The following ITPR2 variants were observed in gnomAD, a reference collection of about 807,000 sequenced individuals.
ITPR2 encodes inositol 1,4,5-trisphosphate-gated calcium channel ITPR2.
Under a neutral mutation model 317.1 loss-of-function variants are expected in ITPR2, and 207 were observed. That is an observed-to-expected ratio of 0.65 (90% CI 0.58 to 0.73). ITPR2 has a LOEUF of 0.73. Among genes scored for constraint, ITPR2 ranks in the 30% least tolerant of loss-of-function variants. The pLI is 0.00. For synonymous variants in ITPR2, 1,156 were observed against 1,149.1 expected, an observed-to-expected ratio of 1.01 and a Z score of -0.12; for missense variants, 2,613 against 3,284.0, an observed-to-expected ratio of 0.80 and a Z score of 4.99.
intron 2 of ITPR2, among the ~76,000 whole-genome samples, chr12:26,770,252 G>GA (rs1949816097): frequency 6.6e-6 from 1 of 152,118 alleles, no homozygotes; most frequent in Non-Finnish European, 1.5e-5. Flanking sequence ...CCTTAGAGGT[G>GA]AAAAAAGTCA....
At chr12:26,620,355 A>G (rs886105076) in intron 26 of ITPR2, among the ~76,000 whole-genome samples, 6 of 152,304 alleles carry the variant, frequency 3.9e-5, no homozygotes, top group African/African-American at 1.2e-4. Flanking sequence ...TCACTTCACA[A>G]TATTTTGGGT....
In ITPR2 at chr12:26,578,656, A is replaced by G. The variant is rs1273962338; in HGVS notation, c.4630+57T>C. The G allele has an allele frequency of 4.6e-6, 7 of 1,518,024 alleles. No individual in the cohort carries two copies. The East Asian group carries it at 1.4e-4, about 30-fold the overall frequency. The allele number at this position is 1,518,024 out of a possible 1,614,324, so 94.0% of individuals were successfully genotyped here. Reference sequence around the variant, plus strand: ...AAGCTGCTTGTGTTGCCCATTAGCCAAAAACCTAATTTCTTCAAGAAATGT... The same window carrying G: ...AAGCTGCTTGTGTTGCCCATTAGCCGAAAACCTAATTTCTTCAAGAAATGT... On this transcript the variant is annotated intron_variant, in intron 34 of 56. Coordinates refer to ENST00000381340, the MANE Select transcript of ITPR2 (RefSeq NM_002223.4).
At chr12:26,490,088 A>G (rs764356849) in intron 39 of ITPR2, among the ~76,000 whole-genome samples, 2 of 152,260 alleles carry the variant, frequency 1.3e-5, no homozygotes, top group Non-Finnish European at 2.9e-5. Flanking sequence ...CATATATAAG[A>G]GTAATTTAAT....
intron 37 of ITPR2, among the ~76,000 whole-genome samples, chr12:26,501,068 T>C (rs1203826418): frequency 6.6e-6 from 1 of 152,110 alleles, no homozygotes; most frequent in Non-Finnish European, 1.5e-5. Context: ...CAAAATGTAA[T>C]AAAAACTGCA....
rs559418950 is a variant in ITPR2 at position 26,675,657 on chromosome 12, T to A, written c.1409+6217A>T. ...CACATGTATACATATGTAACTAACC[T>A]GCACATTGTGCACATGTACCCTAAA... On this transcript the variant is annotated intron_variant, in intron 13 of 56. Transcript: ENST00000381340. 1.1e-4 allele frequency among the ~76,000 whole-genome samples: 16 copies of A among 152,232 alleles called. No individual in the cohort carries two copies. In the East Asian group the frequency reaches 3.1e-3, roughly 29 times the overall value.
At chr12:26,581,352 A>G (rs895829517) in intron 32 of ITPR2, among the ~76,000 whole-genome samples, 3 of 152,194 alleles carry the variant, frequency 2.0e-5, no homozygotes, top group Non-Finnish European at 4.4e-5. Context: ...GTCACTTCCC[A>G]TCTGAGCAGT....
intron 21 of ITPR2, among the ~76,000 whole-genome samples, chr12:26,648,498 T>TA (rs1201855163): frequency 6.7e-6 from 1 of 148,918 alleles, no homozygotes; most frequent in African/African-American, 2.5e-5. Context: ...ACAATGTTTA[T>TA]AAAACCACTT....
At chr12:26,601,827 T>G (rs577948259) in intron 28 of ITPR2, among the ~76,000 whole-genome samples, 1 of 152,216 alleles carries the variant, frequency 6.6e-6, no homozygotes, top group South Asian at 2.1e-4. Flanking sequence ...ACATCATCAG[T>G]CATGGGACAA....
intron 54 of ITPR2, among the ~76,000 whole-genome samples, chr12:26,391,650 G>C (rs1176404415): frequency 7.4e-6 from 1 of 135,248 alleles, no homozygotes; most frequent in Non-Finnish European, 1.5e-5. Flanking sequence ...CTGCAACCTC[G>C]ACCTTCCAGG....
chr12:26,690,151 G>A (rs1349170704), intron 10 of ITPR2, among the ~76,000 whole-genome samples: 2 of 152,182 alleles, frequency 1.3e-5, no homozygotes, highest in Non-Finnish European at 2.9e-5. Context: ...GACTATTACG[G>A]CAATGGGATT....
chr12:26,732,131 T>A (rs1443960848), intron 2 of ITPR2, among the ~76,000 whole-genome samples: 1 of 152,126 alleles, frequency 6.6e-6, no homozygotes, highest in Non-Finnish European at 1.5e-5. Flanking sequence ...TTAGCAAACA[T>A]GAAAATTAAT....
At chr12:26,608,066 A>G (rs1946176946) in intron 26 of ITPR2, among the ~76,000 whole-genome samples, 1 of 152,150 alleles carries the variant, frequency 6.6e-6, no homozygotes. Flanking sequence ...GCTTGCAGTG[A>G]GCCGAGATCG....
At chr12:26,505,622 T>C (rs1210354831) in intron 37 of ITPR2, among the ~76,000 whole-genome samples, 1 of 152,218 alleles carries the variant, frequency 6.6e-6, no homozygotes, top group African/African-American at 2.4e-5. Context: ...TATTTATTTA[T>C]ACCAATCTTT....
intron 37 of ITPR2, among the ~76,000 whole-genome samples, chr12:26,543,599 C>A (rs535761442): frequency 6.6e-6 from 1 of 152,178 alleles, no homozygotes; most frequent in East Asian, 1.9e-4. Flanking sequence ...GATGGTGAAA[C>A]CCTGTTTCTA....
At chr12:26,724,787 A>G (rs891299640) in intron 3 of ITPR2, 45 bp from the exon 4 acceptor site, 1 of 1,399,336 alleles carries the variant, frequency 7.1e-7, no homozygotes, top group African/African-American at 1.4e-5. Flanking sequence ...TATAGTAAAC[A>G]GAGTGTAATA....
At chr12:26,483,436 G>C (rs1047225926) in intron 42 of ITPR2, among the ~76,000 whole-genome samples, 2 of 152,184 alleles carry the variant, frequency 1.3e-5, no homozygotes, top group African/African-American at 2.4e-5. Flanking sequence ...ATGAAAACTG[G>C]GTGGTGGTCA....
chr12:26,355,065 G>A lies in ITPR2; in HGVS notation c.7858-14737C>T, dbSNP rs79447227. Among the ~76,000 whole-genome samples the A allele has an allele frequency of 3.3e-3, 505 of 152,246 alleles. 5 individuals carry two copies. The highest frequency in any genetic ancestry group is 0.012 in the African/African-American group (492 of 41,554). On this transcript the variant is annotated intron_variant, in intron 55 of 56. Transcript: ENST00000381340. ...CCAGATCTACAGAATCAGAAACTCC[G>A]GGGTTGAAGGCCCAGTAATTGGTGT...
chr12:26,689,540 T>C (rs888821060), intron 10 of ITPR2, among the ~76,000 whole-genome samples: 2 of 152,124 alleles, frequency 1.3e-5, no homozygotes. Flanking sequence ...TGTTGGTTCA[T>C]TGATCTACAT....
chr12:26,512,099 A>T (rs1261164027), intron 37 of ITPR2, among the ~76,000 whole-genome samples: 2 of 152,060 alleles, frequency 1.3e-5, no homozygotes, highest in Non-Finnish European at 2.9e-5. Context: ...CCCCAAAATG[A>T]CTAAGCCAAC....
Sources: gnomAD v4.1 joint callset for allele counts (sites outside exome capture counted in the v4.1 genomes callset) on GRCh38, gnomAD v4.1.1 for gene constraint, MANE v1.5 for transcripts, NCBI Gene and HGNC (gene_info 2026-07-23, HGNC 2026-07-21) for gene names.